The following CSRNP3 variants were observed in gnomAD, a reference collection of about 807,000 sequenced individuals.
The protein encoded by CSRNP3 is cysteine and serine rich nuclear protein 3.
Under a neutral mutation model 48.0 loss-of-function variants are expected in CSRNP3, and 12 were observed. The observed-to-expected ratio is 0.25, with a 90% CI of 0.16 to 0.41. CSRNP3 has a LOEUF of 0.41. CSRNP3 is among the 10% of genes least tolerant of loss of function. The pLI, the probability that CSRNP3 is intolerant of heterozygous loss-of-function variation, is 1.00. For synonymous variants in CSRNP3, 263 were observed against 269.7 expected (o/e 0.98, Z 0.24); for missense variants, 580 against 724.4 (o/e 0.80, Z 2.29).
chr2:165,554,127 A>C (rs1685133703), intron 3 of CSRNP3, among the ~76,000 whole-genome samples: 1 of 152,128 alleles, frequency 6.6e-6, no homozygotes, highest in Admixed American at 6.5e-5. Flanking sequence ...TCCCTCATGC[A>C]TGCTACACAA....
chr2:165,623,546 G>C (rs1451057092), intron 4 of CSRNP3, among the ~76,000 whole-genome samples: 1 of 152,190 alleles, frequency 6.6e-6, no homozygotes, highest in African/African-American at 2.4e-5. Flanking sequence ...GATGTGCATA[G>C]GTTCAATGCA....
intron 4 of CSRNP3, among the ~76,000 whole-genome samples, chr2:165,599,959 T>A (rs1254073556): frequency 6.6e-6 from 1 of 151,710 alleles, no homozygotes; most frequent in East Asian, 1.9e-4. Flanking sequence ...ATACTTTAAG[T>A]TTTAGGGTAC....
chr2:165,612,150 C>G (rs933210979), intron 4 of CSRNP3, among the ~76,000 whole-genome samples: 1 of 151,906 alleles, frequency 6.6e-6, no homozygotes, highest in Non-Finnish European at 1.5e-5. Context: ...TTCTTTGAAA[C>G]GTTATTTTTG....
intron 3 of CSRNP3, among the ~76,000 whole-genome samples, chr2:165,577,623 ACAAAACTATTCC>A (rs1169808208): frequency 3.3e-5 from 5 of 151,876 alleles, no homozygotes; most frequent in Admixed American, 1.3e-4. Context: ...ACTGCAAAAG[ACAAAACTATTCC>A]CAACTGTTCT....
chr2:165,520,783 T>TTATATATATATATATA (rs869287628), intron 3 of CSRNP3, among the ~76,000 whole-genome samples: 1 of 29,690 alleles, frequency 3.4e-5, no homozygotes. Context: ...TATATATATA[T>TTATATATATATATATA]TATATATATA....
intron 3 of CSRNP3, among the ~76,000 whole-genome samples, chr2:165,568,223 G>A (rs1228406136): frequency 1.3e-5 from 2 of 151,830 alleles, no homozygotes; most frequent in African/African-American, 4.8e-5. Flanking sequence ...CTCCTCAACT[G>A]CCAAAATTGT....
intron 5 of CSRNP3, among the ~76,000 whole-genome samples, chr2:165,674,571 G>A (rs2105361800): frequency 6.7e-6 from 1 of 148,862 alleles, no homozygotes; most frequent in African/African-American, 2.5e-5. Flanking sequence ...AAAGAGGAAT[G>A]TGTACCTTTT....
At chr2:165,596,789 A>G (rs569663128) in intron 4 of CSRNP3, among the ~76,000 whole-genome samples, 1 of 152,332 alleles carries the variant, frequency 6.6e-6, no homozygotes, top group African/African-American at 2.4e-5. Flanking sequence ...AGACAGAGCA[A>G]GTGAGTTAAT....
intron 2 of CSRNP3, among the ~76,000 whole-genome samples, chr2:165,504,179 A>C (rs888770411): frequency 1.3e-5 from 2 of 152,098 alleles, no homozygotes; most frequent in African/African-American, 4.8e-5. Flanking sequence ...ATACATTTTA[A>C]AAATACATTT....
intron 3 of CSRNP3, among the ~76,000 whole-genome samples, chr2:165,580,021 C>T (rs1228017376): frequency 4.1e-5 from 6 of 147,536 alleles, no homozygotes; most frequent in African/African-American, 1.0e-4. Context: ...CTCCACCTCC[C>T]GGGTTCACGC....
intron 3 of CSRNP3, among the ~76,000 whole-genome samples, chr2:165,548,085 T>G (rs770153247): frequency 6.6e-6 from 1 of 152,110 alleles, no homozygotes; most frequent in Non-Finnish European, 1.5e-5. Flanking sequence ...TGCTCCACCC[T>G]TCCACTGTGA....
At chr2:165,519,910 A>G (rs887909545) in intron 3 of CSRNP3, among the ~76,000 whole-genome samples, 6 of 152,200 alleles carry the variant, frequency 3.9e-5, no homozygotes, top group Admixed American at 6.5e-5. Context: ...TTTGCACTAC[A>G]TAATTTACAC....
At chr2:165,672,812 A>G (rs980412722) in intron 5 of CSRNP3, among the ~76,000 whole-genome samples, 6 of 152,204 alleles carry the variant, frequency 3.9e-5, no homozygotes, top group Non-Finnish European at 8.8e-5. Flanking sequence ...ATTTGAACTC[A>G]GTAGTTTTGG....
chr2:165,593,280 A>G (rs16850925), intron 3 of CSRNP3, among the ~76,000 whole-genome samples: 54,521 of 151,996 alleles, frequency 0.36, 9,922 homozygotes, highest in South Asian at 0.46. Context: ...ATGTGACCAC[A>G]TCCAAGAAAG....
At chr2:165,575,345 T>C (rs1685431104) in intron 3 of CSRNP3, among the ~76,000 whole-genome samples, 1 of 152,162 alleles carries the variant, frequency 6.6e-6, no homozygotes, top group South Asian at 2.1e-4. Flanking sequence ...ATTAAAGCAC[T>C]TAAGTATATC....
intron 4 of CSRNP3, 59 bp downstream of exon 4, chr2:165,595,272 G>A (rs1685791597): frequency 2.3e-5 from 34 of 1,454,004 alleles, no homozygotes; most frequent in Non-Finnish European, 2.9e-5. Context: ...AACTAATTGT[G>A]TCATTTTTAT....
At chr2:165,675,664 T>C (rs1361030983) in intron 5 of CSRNP3, among the ~76,000 whole-genome samples, 1 of 152,204 alleles carries the variant, frequency 6.6e-6, no homozygotes, top group Admixed American at 6.5e-5. Flanking sequence ...TTTCAGCTGT[T>C]GGTTGCTGAG....
At chr2:165,580,814 A>G (rs1413121917) in intron 3 of CSRNP3, among the ~76,000 whole-genome samples, 1 of 152,032 alleles carries the variant, frequency 6.6e-6, no homozygotes, top group African/African-American at 2.4e-5. Context: ...GCTATCTTCC[A>G]GTGATGCAAT....
intron 3 of CSRNP3, among the ~76,000 whole-genome samples, chr2:165,593,267 G>A (rs1574853940): frequency 6.6e-6 from 1 of 152,130 alleles, no homozygotes; most frequent in Non-Finnish European, 1.5e-5. Context: ...ATCTAGGGCT[G>A]GTATGTGACC....
Sources: gnomAD v4.1 joint callset for allele counts (sites outside exome capture counted in the v4.1 genomes callset) on GRCh38, gnomAD v4.1.1 for gene constraint, MANE v1.5 for transcripts, NCBI Gene and HGNC (gene_info 2026-07-23, HGNC 2026-07-21) for gene names.